Variants in SGCZ observed in about 807,000 individuals in gnomAD.
The protein encoded by SGCZ is sarcoglycan zeta.
SGCZ carries 40 observed loss-of-function variants against 41.3 expected under a neutral mutation model. The observed-to-expected ratio is 0.97, with a 90% CI of 0.75 to 1.26. The LOEUF is 1.26. Ranked by LOEUF, SGCZ falls within the 50% of genes most tolerant of loss-of-function variation. The pLI is 0.00. For synonymous variants in SGCZ, 206 were observed against 137.5 expected (o/e 1.50, Z -3.49); for missense variants, 552 against 369.8 (o/e 1.49, Z -4.04).
At chr8:14,393,877 C>T (rs1804879733) in intron 2 of SGCZ, among the ~76,000 whole-genome samples, 1 of 152,156 alleles carries the variant, frequency 6.6e-6, no homozygotes. Context: ...AGCGCAGCAT[C>T]TTGGGAGAGA....
intron 1 of SGCZ, among the ~76,000 whole-genome samples, chr8:14,750,193 C>A (rs1237647814): frequency 6.6e-6 from 1 of 151,846 alleles, no homozygotes; most frequent in African/African-American, 2.4e-5. Flanking sequence ...GAAACATAAG[C>A]AGATGGAAAC....
intron 1 of SGCZ, among the ~76,000 whole-genome samples, chr8:14,584,544 C>T (rs930723896): frequency 1.3e-5 from 2 of 151,910 alleles, no homozygotes; most frequent in East Asian, 1.9e-4. Context: ...AGATGAGAAA[C>T]GTGACATGAG....
chr8:15,062,504 GA>G (rs1804973771), intron 1 of SGCZ, among the ~76,000 whole-genome samples: 1 of 152,064 alleles, frequency 6.6e-6, no homozygotes, highest in African/African-American at 2.4e-5. Context: ...ACTACAAATA[GA>G]AATAGTCAAG....
At chr8:14,782,754 C>T (rs964893174) in intron 1 of SGCZ, among the ~76,000 whole-genome samples, 5 of 152,150 alleles carry the variant, frequency 3.3e-5, no homozygotes, top group Non-Finnish European at 1.5e-5. Context: ...GGATACTACC[C>T]ATGAATCCTA....
At position 15,237,625 on chromosome 8, in the gene SGCZ, G is replaced by C. The variant is rs1156561324; in HGVS notation, c.-2C>G. The C allele has an allele frequency of 1.9e-6, 3 of 1,583,840 alleles. No homozygotes were observed. Among genetic ancestry groups the C allele is most frequent in the Admixed American group, 1.8e-5 (1 of 56,762 alleles). Reference sequence around the variant, plus strand: ...GTCCAGGTTCGTTGATCTGTCCATGGAGCGCAACTAAACGAAGTGGAGAGG... The same window carrying C: ...GTCCAGGTTCGTTGATCTGTCCATGCAGCGCAACTAAACGAAGTGGAGAGG... On this transcript the variant is annotated 5_prime_UTR_variant, in exon 1 of 8. Coordinates refer to ENST00000382080, the MANE Select transcript of SGCZ (RefSeq NM_139167.4).
At chr8:15,045,676 T>C (rs1804275961) in intron 1 of SGCZ, among the ~76,000 whole-genome samples, 1 of 152,114 alleles carries the variant, frequency 6.6e-6, no homozygotes, top group Admixed American at 6.6e-5. Flanking sequence ...GGCACTGATA[T>C]GCATCCCCGT....
In SGCZ at chr8:15,031,602, T is replaced by C. The variant is rs1563452615; in HGVS notation, c.39+205983A>G. Among the ~76,000 whole-genome samples the C allele has an allele frequency of 2.6e-5, 4 of 152,206 alleles. No homozygotes were observed. In the East Asian group the frequency reaches 7.7e-4, roughly 29 times the overall value. ...AGAAAGTCAAGGAATATGTGCAAGG[T>C]TGGCAGCTAGTGAGGCTTCCCACAC... On this transcript the variant is annotated intron_variant, in intron 1 of 7. Coordinates refer to ENST00000382080, the MANE Select transcript of SGCZ (RefSeq NM_139167.4).
At chr8:14,688,665 C>G (rs777153905) in intron 1 of SGCZ, among the ~76,000 whole-genome samples, 2 of 152,080 alleles carry the variant, frequency 1.3e-5, no homozygotes, top group African/African-American at 4.8e-5. Context: ...TTAGGATTGA[C>G]TTGGCAATGC....
intron 4 of SGCZ, among the ~76,000 whole-genome samples, chr8:14,201,542 T>G (rs922305732): frequency 1.3e-5 from 2 of 152,188 alleles, no homozygotes; most frequent in Non-Finnish European, 2.9e-5. Context: ...CTACATATTG[T>G]GTGATTGTAT....
intron 1 of SGCZ, among the ~76,000 whole-genome samples, chr8:14,637,133 C>G (rs182991072): frequency 1.1e-4 from 17 of 151,682 alleles, no homozygotes; most frequent in Non-Finnish European, 2.1e-4. Flanking sequence ...TCTCATACCT[C>G]TGAATTTACC....
At chr8:15,084,026 C>A (rs1805859702) in intron 1 of SGCZ, among the ~76,000 whole-genome samples, 1 of 152,126 alleles carries the variant, frequency 6.6e-6, no homozygotes, top group South Asian at 2.1e-4. Flanking sequence ...TTCTCATGAC[C>A]ATTAGAACAC....
At chr8:15,061,044 A>G (rs547573733) in intron 1 of SGCZ, among the ~76,000 whole-genome samples, 19 of 152,304 alleles carry the variant, frequency 1.2e-4, no homozygotes, top group African/African-American at 4.3e-4. Context: ...TCTACTGGCT[A>G]TGATTGACCC....
chr8:15,063,466 C>T (rs149615256), intron 1 of SGCZ, among the ~76,000 whole-genome samples: 12 of 152,154 alleles, frequency 7.9e-5, no homozygotes, highest in African/African-American at 2.2e-4. Flanking sequence ...TTCAGAAACT[C>T]GACTAACAAA....
intron 1 of SGCZ, among the ~76,000 whole-genome samples, chr8:15,079,513 A>G (rs1359858302): frequency 6.6e-6 from 1 of 152,222 alleles, no homozygotes; most frequent in Non-Finnish European, 1.5e-5. Context: ...TTAAGCAAAT[A>G]AGTTTGCCTT....
At chr8:14,139,020 A>C (rs1803287110) in intron 5 of SGCZ, among the ~76,000 whole-genome samples, 1 of 152,190 alleles carries the variant, frequency 6.6e-6, no homozygotes, top group African/African-American at 2.4e-5. Context: ...TCAAATTAGA[A>C]CTCAGGATTA....
intron 1 of SGCZ, among the ~76,000 whole-genome samples, chr8:14,615,135 G>GTATT (rs1444571463): frequency 6.6e-6 from 1 of 152,138 alleles, no homozygotes; most frequent in African/African-American, 2.4e-5. Flanking sequence ...CATTATGACT[G>GTATT]TACTACATTT....
At chr8:14,206,897 G>A (rs1267100780) in intron 4 of SGCZ, among the ~76,000 whole-genome samples, 2 of 152,078 alleles carry the variant, frequency 1.3e-5, no homozygotes, top group Admixed American at 6.6e-5. Context: ...AGAACACCTG[G>A]GAATAGACCT....
chr8:14,226,990 A>G (rs1449649736), intron 4 of SGCZ, among the ~76,000 whole-genome samples: 4 of 152,060 alleles, frequency 2.6e-5, no homozygotes, highest in Admixed American at 6.6e-5. Flanking sequence ...CCCCAGATAC[A>G]TTTACCTATA....
chr8:15,068,885 TA>T (rs1282587569), intron 1 of SGCZ, among the ~76,000 whole-genome samples: 1 of 152,198 alleles, frequency 6.6e-6, no homozygotes, highest in African/African-American at 2.4e-5. Context: ...AACATTTCTG[TA>T]TAGTATTAAG....
Sources: gnomAD v4.1 joint callset for allele counts (sites outside exome capture counted in the v4.1 genomes callset) on GRCh38, gnomAD v4.1.1 for gene constraint, MANE v1.5 for transcripts, NCBI Gene and HGNC (gene_info 2026-07-23, HGNC 2026-07-21) for gene names.